Variants in SNTG2 observed in about 807,000 individuals in gnomAD.
SNTG2 encodes gamma-2-syntrophin.
A neutral mutation model predicts 70.9 loss-of-function variants in SNTG2; 74 were observed. The ratio of observed to expected loss-of-function variants is 1.04; its 90% CI spans 0.86 to 1.27. The LOEUF (loss-of-function observed/expected upper bound fraction) is 1.27, where lower values mean the gene tolerates loss of function less well. SNTG2 is among the 50% of genes most tolerant of loss of function. SNTG2 has a pLI of 0.00. For synonymous variants in SNTG2, 278 were observed against 273.8 expected (o/e 1.02, Z -0.15); for missense variants, 717 against 690.7 (o/e 1.04, Z -0.43).
chr2:1,077,333 C>T (rs957383157), intron 1 of SNTG2, among the ~76,000 whole-genome samples: 39 of 152,258 alleles, frequency 2.6e-4, no homozygotes, highest in African/African-American at 9.4e-4. Context: ...TGCTGGTGTG[C>T]GGTGTTGCTA....
chr2:1,364,854 G>A (rs1344164906), intron 16 of SNTG2, among the ~76,000 whole-genome samples: 4 of 152,040 alleles, frequency 2.6e-5, no homozygotes, highest in Non-Finnish European at 5.9e-5. Flanking sequence ...AGCTTGCAGT[G>A]AGTGGAGGTT....
rs553972352 is a variant in SNTG2, at chr2:1,284,427, C to T, written c.1284+16856C>T. Among the ~76,000 whole-genome samples the T allele has an allele frequency of 4.5e-3, 689 of 152,312 alleles. 7 individuals are homozygous for T. Among genetic ancestry groups the T allele is most frequent in the African/African-American group, 0.015 (643 of 41,564 alleles). Reference sequence around the variant, plus strand: ...CCAGCATTTTTCTGGGATGCGAGCTCGGTGATGGCAGGGAGATTCTGTCTT... The same window carrying T: ...CCAGCATTTTTCTGGGATGCGAGCTTGGTGATGGCAGGGAGATTCTGTCTT... On this transcript the variant is annotated intron_variant, in intron 14 of 16. Coordinates refer to ENST00000308624, the MANE Select transcript of SNTG2 (RefSeq NM_018968.4).
At chr2:1,303,751 A>G (rs914283669) in intron 14 of SNTG2, among the ~76,000 whole-genome samples, 1 of 152,338 alleles carries the variant, frequency 6.6e-6, no homozygotes, top group East Asian at 1.9e-4. Flanking sequence ...AGAGAAGACA[A>G]AAATTGAGAA....
intron 1 of SNTG2, among the ~76,000 whole-genome samples, chr2:953,071 C>A (rs1357246210): frequency 6.6e-6 from 1 of 152,176 alleles, no homozygotes; most frequent in Non-Finnish European, 1.5e-5. Context: ...TATACACATT[C>A]TTTATCATGA....
chr2:1,269,649 G>A (rs1390438102), intron 14 of SNTG2, among the ~76,000 whole-genome samples: 1 of 152,202 alleles, frequency 6.6e-6, no homozygotes, highest in Non-Finnish European at 1.5e-5. Context: ...CACAGGTGGA[G>A]AAGAGAAGGC....
intron 1 of SNTG2, among the ~76,000 whole-genome samples, chr2:997,416 A>T (rs989203096): frequency 3.9e-5 from 6 of 152,194 alleles, no homozygotes; most frequent in Non-Finnish European, 8.8e-5. Context: ...GAGATGTAGG[A>T]TTGTGCAGAT....
chr2:1,313,423 G>C (rs1405919986), intron 15 of SNTG2, among the ~76,000 whole-genome samples: 2 of 152,230 alleles, frequency 1.3e-5, no homozygotes, highest in Non-Finnish European at 2.9e-5. Flanking sequence ...GTGACTGACT[G>C]CCCAACAGCG....
intron 7 of SNTG2, among the ~76,000 whole-genome samples, chr2:1,171,378 A>G (rs1475787484): frequency 6.6e-6 from 1 of 152,214 alleles, no homozygotes; most frequent in African/African-American, 2.4e-5. Flanking sequence ...TGTCTATAGC[A>G]TGAACTTTGG....
intron 14 of SNTG2, among the ~76,000 whole-genome samples, chr2:1,286,520 C>T (rs989663425): frequency 6.6e-6 from 1 of 152,176 alleles, no homozygotes; most frequent in Non-Finnish European, 1.5e-5. Context: ...AAAGTGAGTG[C>T]CTTGGTCAGA....
chr2:1,229,601 T>C (rs1441938799), intron 9 of SNTG2, among the ~76,000 whole-genome samples: 1 of 152,218 alleles, frequency 6.6e-6, no homozygotes, highest in Non-Finnish European at 1.5e-5. Flanking sequence ...TGCGCTCGCA[T>C]TCCTCAGCCC....
At chr2:990,867 A>G (rs1048999426) in intron 1 of SNTG2, among the ~76,000 whole-genome samples, 3 of 152,120 alleles carry the variant, frequency 2.0e-5, no homozygotes, top group Non-Finnish European at 4.4e-5. Flanking sequence ...CTTAGAAAAA[A>G]AAAAAGAATG....
chr2:1,027,049 G>A (rs1045401637), intron 1 of SNTG2, among the ~76,000 whole-genome samples: 3 of 152,078 alleles, frequency 2.0e-5, no homozygotes, highest in Non-Finnish European at 4.4e-5. Context: ...CTCCATCCTG[G>A]CCACTCTTGC....
At chr2:985,950 CTATTTT>C (rs1661299374) in intron 1 of SNTG2, among the ~76,000 whole-genome samples, 1 of 151,958 alleles carries the variant, frequency 6.6e-6, no homozygotes, top group Non-Finnish European at 1.5e-5. Context: ...GAGACCCAAC[CTATTTT>C]TATTTTATTT....
At chr2:1,205,953 G>A (rs567486944) in intron 8 of SNTG2, among the ~76,000 whole-genome samples, 37 of 152,258 alleles carry the variant, frequency 2.4e-4, no homozygotes, top group Non-Finnish European at 4.0e-4. Context: ...TTAAACAGAG[G>A]AAAACATGTT....
chr2:1,304,731 A>ATC (rs1252069517), intron 14 of SNTG2, among the ~76,000 whole-genome samples: 19 of 147,842 alleles, frequency 1.3e-4, no homozygotes, highest in South Asian at 4.3e-4. Flanking sequence ...TCTCTCTCAA[A>ATC]AAAAAAAAAA....
At chr2:1,076,414 G>A (rs904591322) in intron 1 of SNTG2, among the ~76,000 whole-genome samples, 1 of 152,148 alleles carries the variant, frequency 6.6e-6, no homozygotes, top group African/African-American at 2.4e-5. Flanking sequence ...CAATGCCAGC[G>A]ATTCAGGGAA....
intron 16 of SNTG2, among the ~76,000 whole-genome samples, chr2:1,352,775 ATC>A (rs1167533908): frequency 2.6e-5 from 4 of 152,268 alleles, no homozygotes; most frequent in South Asian, 2.1e-4. Flanking sequence ...GGTTATTTAA[ATC>A]TCTGTTTTCT....
intron 14 of SNTG2, among the ~76,000 whole-genome samples, chr2:1,274,702 G>A (rs1679201163): frequency 6.6e-6 from 1 of 152,134 alleles, no homozygotes; most frequent in South Asian, 2.1e-4. Context: ...GGACGTTTCT[G>A]CCTGGATTTT....
intron 6 of SNTG2, among the ~76,000 whole-genome samples, chr2:1,138,581 G>A (rs746899073): frequency 3.9e-5 from 6 of 152,156 alleles, no homozygotes; most frequent in Non-Finnish European, 7.4e-5. Context: ...GTGAGATGAC[G>A]GGCAGAGCAG....
Sources: gnomAD v4.1 joint callset for allele counts (sites outside exome capture counted in the v4.1 genomes callset) on GRCh38, gnomAD v4.1.1 for gene constraint, MANE v1.5 for transcripts, NCBI Gene and HGNC (gene_info 2026-07-23, HGNC 2026-07-21) for gene names.